The following MELK variants were observed in gnomAD, a reference collection of about 807,000 sequenced individuals.
The protein encoded by MELK is pEg3 kinase.
A neutral mutation model predicts 85.0 loss-of-function variants in MELK; 81 were observed. The ratio of observed to expected loss-of-function variants is 0.95; its 90% CI spans 0.80 to 1.15. The LOEUF (loss-of-function observed/expected upper bound fraction) is 1.15. Among genes scored for constraint, MELK ranks in the 50% most tolerant of loss-of-function variants. MELK has a pLI of 0.00. For synonymous variants in MELK, 252 were observed against 265.0 expected, an observed-to-expected ratio of 0.95 and a Z score of 0.48; for missense variants, 754 against 777.5, an observed-to-expected ratio of 0.97 and a Z score of 0.36.
intron 9 of MELK, among the ~76,000 whole-genome samples, chr9:36,631,280 CAG>C (rs907698908): frequency 1.3e-5 from 2 of 150,226 alleles, no homozygotes; most frequent in Admixed American, 1.3e-4. Context: ...TTTTTTGAGA[CAG>C]AGTTTTGCTT....
chr9:36,575,217 G>T (rs1301533128), intron 1 of MELK, among the ~76,000 whole-genome samples: 1 of 152,218 alleles, frequency 6.6e-6, no homozygotes, highest in Non-Finnish European at 1.5e-5. Flanking sequence ...GCACTCAGGT[G>T]TCTGATTGGG....
intron 8 of MELK, among the ~76,000 whole-genome samples, chr9:36,610,816 T>C (rs927956626): frequency 3.9e-5 from 6 of 152,238 alleles, no homozygotes; most frequent in African/African-American, 1.4e-4. Flanking sequence ...TATCCAGTTA[T>C]ACTTTTACAA....
chr9:36,614,099 CTT>C (rs112322490), intron 8 of MELK, among the ~76,000 whole-genome samples: 20 of 139,678 alleles, frequency 1.4e-4, no homozygotes, highest in Admixed American at 2.9e-4. Flanking sequence ...TACTAGATGT[CTT>C]TTTTTTTTTT....
chr9:36,586,345 A>G (rs1041187431), intron 3 of MELK, among the ~76,000 whole-genome samples: 2 of 143,960 alleles, frequency 1.4e-5, no homozygotes, highest in South Asian at 2.2e-4. Flanking sequence ...CTGTCTCCAG[A>G]AAAAAAAAAA....
intron 3 of MELK, among the ~76,000 whole-genome samples, chr9:36,585,295 A>ATTTTT (rs1822763644): frequency 1.0e-5 from 1 of 98,010 alleles, no homozygotes; most frequent in African/African-American, 4.3e-5. Context: ...TCCTTCTACC[A>ATTTTT]TTCTTTGTTT....
intron 3 of MELK, among the ~76,000 whole-genome samples, chr9:36,589,218 G>A (rs555408622): frequency 1.3e-5 from 2 of 151,328 alleles, no homozygotes; most frequent in South Asian, 4.2e-4. Flanking sequence ...GCGCAATCTC[G>A]GCTCACTCCA....
chr9:36,636,806 G>T lies in MELK; in HGVS notation c.834+3606G>T, dbSNP rs1459644657. 2.7e-3 allele frequency among the ~76,000 whole-genome samples: 305 copies of T among 111,968 alleles called. 1 individual carries two copies. The highest frequency in any genetic ancestry group is 0.012 in the Middle Eastern group (3 of 244). The allele number at this position is 111,968 out of a possible 152,430, so 73.5% of individuals were successfully genotyped here. ...TTTCTGTCTGTCTTTCTTTCTTTCTGTCTTTCTTTCTTTCTGTCTTTCTTG... is the reference window on the plus strand; with the variant it reads ...TTTCTGTCTGTCTTTCTTTCTTTCTTTCTTTCTTTCTTTCTGTCTTTCTTG... On this transcript the variant is annotated intron_variant, in intron 10 of 17. Transcript: ENST00000298048.
chr9:36,666,817 T>C (rs905365383), intron 14 of MELK, among the ~76,000 whole-genome samples: 3 of 151,660 alleles, frequency 2.0e-5, no homozygotes, highest in Admixed American at 2.0e-4. Flanking sequence ...TCCGCCAAAA[T>C]GTGAGGCCAG....
intron 8 of MELK, among the ~76,000 whole-genome samples, chr9:36,615,467 A>G (rs1245710852): frequency 8.2e-6 from 1 of 122,312 alleles, no homozygotes; most frequent in African/African-American, 3.3e-5. Context: ...TCCCTCCCGG[A>G]TGGGGCGGCT....
In MELK at chr9:36,657,378, T is replaced by C; in HGVS notation, c.1176+15T>C. The stretch of plus-strand genomic sequence containing the variant: ...GAACATCACAGGTTCGTCATTCTTA[T>C]TACTATTTAAGGCAGAATCTATTGT... On this transcript the variant is annotated intron_variant, in intron 13 of 17. Transcript: ENST00000298048. 1.3e-6 allele frequency: 2 copies of C among 1,595,502 alleles called. No homozygotes were observed. Among genetic ancestry groups the C allele is most frequent in the Non-Finnish European group, 1.7e-6 (2 of 1,173,906 alleles).
intron 13 of MELK, among the ~76,000 whole-genome samples, chr9:36,660,089 A>G (rs1044112916): frequency 2.0e-5 from 3 of 151,456 alleles, no homozygotes; most frequent in Non-Finnish European, 3.0e-5. Flanking sequence ...GTGAGCCACC[A>G]TGCCCAGCCC....
chr9:36,662,208 CATTTA>C (rs1018054956), intron 13 of MELK, among the ~76,000 whole-genome samples: 15 of 148,058 alleles, frequency 1.0e-4, no homozygotes, highest in Non-Finnish European at 1.9e-4. Context: ...AAATTTTTAA[CATTTA>C]ATTTAACGAA....
At chr9:36,663,751 C>G (rs1162231832) in intron 13 of MELK, among the ~76,000 whole-genome samples, 1 of 152,236 alleles carries the variant, frequency 6.6e-6, no homozygotes, top group Non-Finnish European at 1.5e-5. Flanking sequence ...GTGTGTCTGT[C>G]TGTCTATCTA....
At chr9:36,633,631 TTTA>T (rs1207011155) in intron 10 of MELK, among the ~76,000 whole-genome samples, 69 of 152,354 alleles carry the variant, frequency 4.5e-4, no homozygotes, top group African/African-American at 1.6e-3. Context: ...ACTCTTAATA[TTTA>T]TTTATTCATT....
rs894885305 is a variant in MELK, at chr9:36,669,848, A to G, written c.1505+442A>G. ...TTCAAGTTGCTATTCTTTTATAGCA[A>G]TTTCTTAAAGGCATTGTCTATTTTC... On this transcript the variant is annotated intron_variant, in intron 15 of 17. Coordinates refer to ENST00000298048, the MANE Select transcript of MELK (RefSeq NM_014791.4). Among the ~76,000 whole-genome samples the G allele has an allele frequency of 1.0e-4, 15 of 145,882 alleles. No individual in the cohort carries two copies. In the East Asian group the frequency reaches 2.2e-3, roughly 22 times the overall value.
chr9:36,666,847 CTGTGTTTGTGTGTGTGTG>C (rs1475437036), intron 14 of MELK, among the ~76,000 whole-genome samples: 31 of 114,140 alleles, frequency 2.7e-4, no homozygotes, highest in African/African-American at 8.0e-4. Context: ...CTGATGATGT[CTGTGTTTGTGTGTGTGTG>C]TGTGTGTGTG....
intron 12 of MELK, among the ~76,000 whole-genome samples, chr9:36,653,553 T>G (rs1215536538): frequency 6.6e-6 from 1 of 152,346 alleles, no homozygotes; most frequent in East Asian, 1.9e-4. Flanking sequence ...GTATTTCCCA[T>G]GGCTTAAAAT....
In MELK at chr9:36,633,169, A is replaced by G. The variant is rs769455465; in HGVS notation, c.803A>G (p.Asn268Ser). The G allele has an allele frequency of 1.4e-5, 22 of 1,606,102 alleles. No homozygotes were observed. The South Asian group carries it at 1.6e-4, about 12-fold the overall frequency. ...LNHPWIMQDY[N>S]YPVEWQSKNP... ...CATCCCTGGATCATGCAAGATTACA[A>G]CTATCCTGTTGAGTGGCAAAGCAAG... is the stretch of plus-strand genomic sequence containing the variant. The change falls in exon 10 of 18, where the codon AAC (asparagine) becomes AGC (serine). Residue 268 changes from asparagine (N) to serine (S), a missense_variant. Coordinates refer to ENST00000298048, the MANE Select transcript of MELK (RefSeq NM_014791.4).
chr9:36,671,131 A>G lies in MELK; in HGVS notation c.1639A>G (p.Lys547Glu), dbSNP rs776957298. The G allele has an allele frequency of 3.1e-6, 5 of 1,610,276 alleles. No individual in the cohort carries two copies. In the East Asian group the frequency reaches 1.1e-4, roughly 36 times the overall value. Residue 547 changes from lysine to glutamate, a missense_variant, in exon 16 of 18, where the codon AAG (lysine) becomes GAG (glutamate). By Grantham distance (56) the Lys-to-Glu change is moderately conservative (BLOSUM62 1). Coordinates refer to ENST00000298048, the MANE Select transcript of MELK (RefSeq NM_014791.4). The stretch of plus-strand genomic sequence containing the variant: ...CACTGTGCTCACCAGGAGCAAAAGG[A>G]AGGGTTCTGCCAGAGACGGGCCCAG... The part of the protein sequence containing the change: ...VITVLTRSKR[K>E]GSARDGPRRL...
Sources: allele counts gnomAD v4.1 joint callset (sites outside exome capture counted in the v4.1 genomes callset), GRCh38; gene constraint gnomAD v4.1.1; transcripts MANE v1.5; gene names NCBI Gene and HGNC (gene_info 2026-07-23, HGNC 2026-07-21).